GPM6A: variants seen among roughly 807,000 people sequenced by gnomAD.
GPM6A encodes the protein glycoprotein M6A.
Under a neutral mutation model 32.1 loss-of-function variants are expected in GPM6A, and 7 were observed. That is an observed-to-expected ratio of 0.22 (90% CI 0.12 to 0.41). The LOEUF is 0.41. Ranked by LOEUF, GPM6A falls within the 10% of genes least tolerant of loss-of-function variation. GPM6A has a pLI of 1.00. For missense variants in GPM6A, 235 were observed against 347.2 expected (o/e 0.68, Z 2.57); for synonymous variants, 130 against 123.4 (o/e 1.05, Z -0.35).
upstream of GPM6A, among the ~76,000 whole-genome samples, chr4:175,813,538 A>G (rs1735008315): frequency 6.6e-6 from 1 of 152,028 alleles, no homozygotes; most frequent in African/African-American, 2.4e-5. Flanking sequence ...AAACACACAC[A>G]GAGGGACAGA....
intron 1 of GPM6A, among the ~76,000 whole-genome samples, chr4:175,999,319 A>C (rs1393180483): frequency 6.6e-6 from 1 of 152,192 alleles, no homozygotes; most frequent in Non-Finnish European, 1.5e-5. Flanking sequence ...TTCATCTTAA[A>C]GTTAAAATGT....
chr4:175,725,993 C>CT (rs377474451), intron 1 of GPM6A, among the ~76,000 whole-genome samples: 30,574 of 121,342 alleles, frequency 0.25, 4,218 homozygotes, highest in Non-Finnish European at 0.27. Context: ...CCTGTTTCTT[C>CT]TTTTTTTTTT....
intron 2 of GPM6A, among the ~76,000 whole-genome samples, chr4:175,699,497 CT>C: frequency 6.6e-6 from 1 of 152,226 alleles, no homozygotes; most frequent in East Asian, 1.9e-4. Context: ...TAATATGCAA[CT>C]TTCAATTTGC....
At chr4:175,802,720 A>G (rs1418834481) in intron 1 of GPM6A, among the ~76,000 whole-genome samples, 1 of 152,102 alleles carries the variant, frequency 6.6e-6, no homozygotes, top group African/African-American at 2.4e-5. Flanking sequence ...GCAAATTTGT[A>G]AACTACTTTG....
intron 2 of GPM6A, among the ~76,000 whole-genome samples, chr4:175,685,581 G>T (rs539926270): frequency 6.6e-6 from 1 of 152,158 alleles, no homozygotes; most frequent in African/African-American, 2.4e-5. Context: ...CTTAATCATT[G>T]GTCCTAACAT....
At chr4:175,802,333 A>G (rs1036947993) in intron 1 of GPM6A, among the ~76,000 whole-genome samples, 1 of 152,074 alleles carries the variant, frequency 6.6e-6, no homozygotes, top group Non-Finnish European at 1.5e-5. Flanking sequence ...CAAAAAACTT[A>G]GTACACCAAA....
intron 1 of GPM6A, among the ~76,000 whole-genome samples, chr4:175,722,475 T>A (rs1338489869): frequency 6.6e-6 from 1 of 152,152 alleles, no homozygotes; most frequent in Non-Finnish European, 1.5e-5. Context: ...CGCAGTAAGA[T>A]CCATAAATAC....
intron 1 of GPM6A, among the ~76,000 whole-genome samples, chr4:175,940,672 G>A (rs924403275): frequency 2.6e-5 from 4 of 151,732 alleles, no homozygotes; most frequent in Admixed American, 6.6e-5. Flanking sequence ...GCAGTGGTGC[G>A]ATCTCGGCTC....
Position 175,771,204 on chromosome 4 carries a change from C to G in GPM6A, c.37+40987G>C, listed in dbSNP as rs1579482144. Among the ~76,000 whole-genome samples, 3 of 152,168 alleles carry G rather than the reference C, an allele frequency of 2.0e-5. No individual in the cohort carries two copies. In the East Asian group the frequency reaches 5.8e-4, roughly 29 times the overall value. On this transcript the variant is annotated intron_variant, in intron 1 of 6. Coordinates refer to ENST00000393658, the MANE Select transcript of GPM6A (RefSeq NM_201591.3). The stretch of plus-strand genomic sequence containing the variant: ...TGCAATATGAACATATAATCTCTGG[C>G]ACATTCTAATTGGATTTTGTCACTC...
At chr4:175,761,815 AT>A (rs1458410207) in intron 1 of GPM6A, among the ~76,000 whole-genome samples, 1 of 148,504 alleles carries the variant, frequency 6.7e-6, no homozygotes, top group Non-Finnish European at 1.5e-5. Context: ...TTTTTTTGAG[AT>A]TGAGTTTCAC....
rs901620854 is a variant in GPM6A, at chr4:175,713,480, G to C, written c.38-11713C>G. On this transcript the variant is annotated intron_variant, in intron 1 of 6. Transcript: ENST00000393658. ...TGCTGGGATTACAGGTGTGAGCCAC[G>C]GAGCCCTGCCTGATAGTCCCTATTT... 3.9e-5 allele frequency among the ~76,000 whole-genome samples: 6 copies of C among 152,160 alleles called. No individual in the cohort carries two copies. The South Asian group carries it at 1.2e-3, about 32-fold the overall frequency.
chr4:175,885,278 C>T (rs768692829), intron 1 of GPM6A, among the ~76,000 whole-genome samples: 35 of 152,186 alleles, frequency 2.3e-4, no homozygotes, highest in Admixed American at 5.2e-4. Context: ...CCAGACACAG[C>T]GAGTACACAC....
rs181707488 is a variant in GPM6A at position 175,889,696 on chromosome 4, C to G, written c.-22-77447G>C. On this transcript the variant is annotated intron_variant, in intron 1 of 7. Transcript: ENST00000280187. ...GGCGTGGTGGCGGACGCCTGTAGTC[C>G]CAGCTACTCGGGAGGCTGAGGCAGG... Among the ~76,000 whole-genome samples, 1,471 of 152,014 alleles carry G rather than the reference C, an allele frequency of 9.7e-3. 9 individuals carry two copies. Among genetic ancestry groups the G allele is most frequent in the Non-Finnish European group, 0.017 (1,153 of 67,984 alleles).
chr4:175,716,925 A>G (rs1279737968), intron 1 of GPM6A, among the ~76,000 whole-genome samples: 1 of 152,146 alleles, frequency 6.6e-6, no homozygotes, highest in Non-Finnish European at 1.5e-5. Flanking sequence ...ATGGAAACAG[A>G]TTTGTCTATA....
intron 1 of GPM6A, among the ~76,000 whole-genome samples, chr4:175,863,015 T>C (rs534830479): frequency 6.6e-6 from 1 of 152,200 alleles, no homozygotes; most frequent in African/African-American, 2.4e-5. Context: ...CTCTCTCTCT[T>C]CCTTCCTTTT....
intron 1 of GPM6A, among the ~76,000 whole-genome samples, chr4:175,908,937 A>G (rs1738218481): frequency 6.7e-6 from 1 of 149,428 alleles, no homozygotes; most frequent in Non-Finnish European, 1.5e-5. Flanking sequence ...TATCCGTAAA[A>G]GCACACAATG....
chr4:175,792,269 A>G (rs911742410), intron 1 of GPM6A, among the ~76,000 whole-genome samples: 3 of 152,324 alleles, frequency 2.0e-5, no homozygotes, highest in South Asian at 2.1e-4. Context: ...TGCCATGCCA[A>G]TAAAAAGTTA....
At chr4:175,708,386 T>TATTGATTG (rs1384672316) in intron 1 of GPM6A, among the ~76,000 whole-genome samples, 4 of 151,122 alleles carry the variant, frequency 2.6e-5, no homozygotes, top group Non-Finnish European at 5.9e-5. Flanking sequence ...TTTATTTATT[T>TATTGATTG]ATTTATTTAT....
intron 1 of GPM6A, among the ~76,000 whole-genome samples, chr4:175,932,516 C>T (rs1388802624): frequency 3.3e-5 from 5 of 152,032 alleles, no homozygotes; most frequent in African/African-American, 9.7e-5. Context: ...TTGCCCAGTT[C>T]GAAATATTCT....
Sources: allele counts gnomAD v4.1 joint callset (sites outside exome capture counted in the v4.1 genomes callset), GRCh38; gene constraint gnomAD v4.1.1; transcripts MANE v1.5; gene names NCBI Gene and HGNC (gene_info 2026-07-23, HGNC 2026-07-21).